The following FAM81A variants were observed in gnomAD, a reference collection of about 807,000 sequenced individuals.
FAM81A encodes the protein family with sequence similarity 81 member A.
Under a neutral mutation model 46.7 loss-of-function variants are expected in FAM81A, and 19 were observed. The ratio of observed to expected loss-of-function variants is 0.41; its 90% CI spans 0.28 to 0.60. The LOEUF (loss-of-function observed/expected upper bound fraction) is 0.60, where lower values mean the gene tolerates loss of function less well. Among genes scored for constraint, FAM81A ranks in the 20% least tolerant of loss-of-function variants. The pLI is 0.34. For missense variants in FAM81A, 377 were observed against 453.5 expected, an observed-to-expected ratio of 0.83 and a Z score of 1.53; for synonymous variants, 183 against 152.9, an observed-to-expected ratio of 1.20 and a Z score of -1.45.
In FAM81A at chr15:59,492,327, C is replaced by T. The variant is rs2141757327; in HGVS notation, c.351C>T (p.Ala117=). 6.2e-7 allele frequency: 1 copy of T among 1,613,852 alleles called. No individual in the cohort carries two copies. Among genetic ancestry groups the T allele is most frequent in the Non-Finnish European group, 8.5e-7 (1 of 1,179,840 alleles). The change falls in exon 4 of 9, where the codon GCC becomes GCT. Residue 117 remains alanine, a synonymous_variant. Coordinates refer to ENST00000288228, the MANE Select transcript of FAM81A (RefSeq NM_152450.3). ...ACATTAGCTATGGAACTAATTCTGC[C>T]TTAAAGACCCTGGAGATGCGCCAGC... The part of the protein sequence containing the change: ...RDNISYGTNS[A]LKTLEMRQLS...
rs11387570 is a variant in FAM81A, at chr15:59,403,887, C to CTTT, written c.-78+1541_-78+1543dup. ...GGGACCAAATTGTTTCTTTTCTTTT[C>CTTT]TTTTTTTTTTTTTTGAGACAGAGTC... On this transcript the variant is annotated intron_variant, in intron 2 of 4. Transcript: ENST00000558348. Among the ~76,000 whole-genome samples the CTTT allele has an allele frequency of 1.1e-4, 15 of 140,096 alleles. No homozygotes were observed. The South Asian group carries it at 2.0e-3, about 19-fold the overall frequency. 91.9% of individuals were successfully genotyped at this position (140,096 alleles called of 152,430 possible).
intron 8 of FAM81A, among the ~76,000 whole-genome samples, chr15:59,519,801 C>G (rs1236631033): frequency 6.6e-6 from 1 of 152,014 alleles, no homozygotes; most frequent in Non-Finnish European, 1.5e-5. Flanking sequence ...TCTTTATTCA[C>G]TAATTTTTTG....
intron 1 of FAM81A, among the ~76,000 whole-genome samples, chr15:59,455,004 G>A (rs2081465304): frequency 2.0e-5 from 3 of 150,004 alleles, no homozygotes; most frequent in Admixed American, 2.0e-4. Flanking sequence ...CCAAACTCCT[G>A]GGCTCACCTT....
intron 1 of FAM81A, among the ~76,000 whole-genome samples, chr15:59,453,015 G>T (rs1488181589): frequency 6.6e-6 from 1 of 152,088 alleles, no homozygotes; most frequent in Non-Finnish European, 1.5e-5. Flanking sequence ...CTCCTGCCTC[G>T]GCCTCCCAAA....
At chr15:59,407,290 C>CTTTTTTTTTTT (rs1567035679) in intron 2 of FAM81A, 1 of 105,346 alleles carries the variant, frequency 9.5e-6, no homozygotes, top group Non-Finnish European at 2.2e-5. Context: ...TCTTTTCTTT[C>CTTTTTTTTTTT]CTTTTTTTTT....
intron 1 of FAM81A, among the ~76,000 whole-genome samples, chr15:59,456,459 G>A (rs1292061901): frequency 6.6e-6 from 1 of 152,134 alleles, no homozygotes; most frequent in Non-Finnish European, 1.5e-5. Context: ...TTTTGGGAAA[G>A]CCTACTCATT....
intron 2 of FAM81A, among the ~76,000 whole-genome samples, chr15:59,421,790 TCTAC>T (rs1177514341): frequency 0.028 from 3,953 of 143,096 alleles, 131 homozygotes; most frequent in African/African-American, 0.08. Context: ...TATCTATCTA[TCTAC>T]CTACCTAACT....
chr15:59,440,624 C>T (rs1196822254), intron 1 of FAM81A, among the ~76,000 whole-genome samples: 7 of 152,178 alleles, frequency 4.6e-5, no homozygotes, highest in Admixed American at 4.6e-4. Flanking sequence ...CAGTCTTGAA[C>T]AAGACTAAAC....
chr15:59,512,828 C>T (rs2082226973), intron 6 of FAM81A, among the ~76,000 whole-genome samples: 1 of 152,160 alleles, frequency 6.6e-6, no homozygotes, highest in Admixed American at 6.5e-5. Context: ...GGAGAGAGTC[C>T]AGGGCAGAAG....
At chr15:59,436,727 C>T (rs544774719), upstream of FAM81A, among the ~76,000 whole-genome samples, 7 of 152,138 alleles carry the variant, frequency 4.6e-5, no homozygotes, top group South Asian at 1.5e-3. Context: ...TAGTACATAC[C>T]ATGCACCAGG....
chr15:59,491,473 ATAGT>A (rs756482621), intron 3 of FAM81A, among the ~76,000 whole-genome samples: 5 of 152,320 alleles, frequency 3.3e-5, no homozygotes, highest in Middle Eastern at 3.4e-3. Context: ...GCATTAAAAA[ATAGT>A]TAGAATTAAT....
chr15:59,494,710 A>G (rs1046984409), intron 4 of FAM81A, among the ~76,000 whole-genome samples: 6 of 152,140 alleles, frequency 3.9e-5, no homozygotes, highest in Non-Finnish European at 7.4e-5. Flanking sequence ...TCTTTGGAAA[A>G]GTTTCTTGGC....
chr15:59,412,103 G>C (rs1314338928), intron 2 of FAM81A, among the ~76,000 whole-genome samples: 4 of 151,966 alleles, frequency 2.6e-5, no homozygotes, highest in Admixed American at 2.6e-4. Flanking sequence ...GGAGGGCTTC[G>C]ATTTTGGGGG....
At chr15:59,514,635 A>G (rs1190512212) in intron 7 of FAM81A, among the ~76,000 whole-genome samples, 1 of 152,254 alleles carries the variant, frequency 6.6e-6, no homozygotes, top group Non-Finnish European at 1.5e-5. Context: ...GACTAAGTAG[A>G]AAATTTCAGT....
chr15:59,475,405 C>A (rs2081753882), intron 3 of FAM81A, among the ~76,000 whole-genome samples: 1 of 152,142 alleles, frequency 6.6e-6, no homozygotes, highest in Non-Finnish European at 1.5e-5. Context: ...TATGGCCTCC[C>A]AAAGTGCTGG....
In FAM81A at chr15:59,514,305, G is replaced by A. The variant is rs754243142; in HGVS notation, c.667G>A (p.Glu223Lys). The A allele has an allele frequency of 6.8e-6, 11 of 1,605,878 alleles. No homozygotes were observed. The highest frequency in any genetic ancestry group is 1.7e-5 in the Admixed American group (1 of 57,634). ...TTTTTTTAGATTTAAAGGTACAGTTGAGGAACTCAGTAACCAGATATTATC... is the reference window on the plus strand; with the variant it reads ...TTTTTTTAGATTTAAAGGTACAGTTAAGGAACTCAGTAACCAGATATTATC... The part of the protein sequence containing the change: ...LLDTKFKGTV[E>K]ELSNQILSAR... The change falls in exon 7 of 9, where the codon GAG (glutamate) becomes AAG (lysine). Residue 223 changes from glutamate (E) to lysine (K), a missense_variant. Coordinates refer to ENST00000288228, the MANE Select transcript of FAM81A (RefSeq NM_152450.3).
At chr15:59,518,669 C>G (rs2082292980) in intron 8 of FAM81A, among the ~76,000 whole-genome samples, 1 of 151,972 alleles carries the variant, frequency 6.6e-6, no homozygotes, top group African/African-American at 2.4e-5. Context: ...CAAGGATATT[C>G]TCTTATAAAT....
intron 4 of FAM81A, among the ~76,000 whole-genome samples, chr15:59,493,049 G>A (rs1237628058): frequency 5.3e-5 from 8 of 152,166 alleles, no homozygotes; most frequent in Admixed American, 4.6e-4. Flanking sequence ...AAGTATTTAT[G>A]GGCCTCTTCT....
intron 8 of FAM81A, among the ~76,000 whole-genome samples, chr15:59,520,205 C>T (rs1189004982): frequency 2.6e-5 from 4 of 152,140 alleles, no homozygotes; most frequent in African/African-American, 9.6e-5. Context: ...TTTGGATACC[C>T]CTGCCCTATA....
Sources: allele counts gnomAD v4.1 joint callset (sites outside exome capture counted in the v4.1 genomes callset), GRCh38; gene constraint gnomAD v4.1.1; transcripts MANE v1.5; gene names NCBI Gene and HGNC (gene_info 2026-07-23, HGNC 2026-07-21).